Variants in LRFN5 observed in about 807,000 individuals in gnomAD.
LRFN5 encodes the protein leucine-rich repeat and fibronectin type-III domain-containing protein 5.
A neutral mutation model predicts 45.6 loss-of-function variants in LRFN5; 24 were observed. That is an observed-to-expected ratio of 0.53 (90% CI 0.38 to 0.74). LRFN5 has a LOEUF of 0.74. LRFN5 is among the 30% of genes least tolerant of loss of function. The probability of loss-of-function intolerance (pLI) is 0.00; values close to 1 mark genes in which losing one functional copy is unlikely to be tolerated. For missense variants in LRFN5, 776 were observed against 861.5 expected (o/e 0.90, Z 1.24); for synonymous variants, 340 against 313.8 (o/e 1.08, Z -0.88).
intron 1 of LRFN5, among the ~76,000 whole-genome samples, chr14:41,759,777 A>G (rs1366955596): frequency 6.6e-6 from 1 of 152,190 alleles, no homozygotes; most frequent in Admixed American, 6.5e-5. Context: ...GACACACTGT[A>G]TTTCAAATGT....
chr14:41,609,748 A>C (rs1594545433), intron 1 of LRFN5, among the ~76,000 whole-genome samples: 1 of 151,910 alleles, frequency 6.6e-6, no homozygotes, highest in Non-Finnish European at 1.5e-5. Flanking sequence ...TCAGCGGAGG[A>C]TTTGGCCCAG....
At chr14:41,894,762 G>A in intron 4 of LRFN5, 1 of 983,418 alleles carries the variant, frequency 1.0e-6, no homozygotes, top group Non-Finnish European at 1.2e-6. Context: ...ATGGAGTAAG[G>A]TGTGGAAATA....
At chr14:41,869,552 T>C (rs943242605) in intron 2 of LRFN5, among the ~76,000 whole-genome samples, 1 of 152,122 alleles carries the variant, frequency 6.6e-6, no homozygotes. Flanking sequence ...TTTAGTTTTT[T>C]ACATAGTTGT....
chr14:41,659,684 C>T (rs1239592053), intron 1 of LRFN5, among the ~76,000 whole-genome samples: 1 of 152,120 alleles, frequency 6.6e-6, no homozygotes, highest in Non-Finnish European at 1.5e-5. Flanking sequence ...TAAAAGCATT[C>T]CTCTTTTTCC....
At chr14:41,839,450 A>G (rs1253756861) in intron 2 of LRFN5, among the ~76,000 whole-genome samples, 3 of 152,152 alleles carry the variant, frequency 2.0e-5, no homozygotes, top group African/African-American at 7.2e-5. Flanking sequence ...TGATGACTGC[A>G]TGATCAGTCT....
At chr14:41,714,037 C>T (rs750831033) in intron 1 of LRFN5, among the ~76,000 whole-genome samples, 4 of 151,966 alleles carry the variant, frequency 2.6e-5, no homozygotes, top group Non-Finnish European at 5.9e-5. Context: ...TAAAATGAAA[C>T]ATAACTACAT....
In LRFN5 at chr14:41,656,555, G is replaced by A. The variant is rs192328010; in HGVS notation, c.-197+47993G>A. Among the ~76,000 whole-genome samples, 477 of 151,940 alleles carry A rather than the reference G, an allele frequency of 3.1e-3. 5 individuals are homozygous for A. The highest frequency in any genetic ancestry group is 5.0e-3 in the Non-Finnish European group (342 of 67,890). On this transcript the variant is annotated intron_variant, in intron 1 of 5. Transcript: ENST00000298119. ...CAGGATGAATATTGGGCATGAGAAG[G>A]GAGTATAGGGGAGGGGAACAATTTA...
chr14:41,781,162 A>G (rs1457001389), intron 2 of LRFN5, among the ~76,000 whole-genome samples: 2 of 151,880 alleles, frequency 1.3e-5, no homozygotes, highest in Non-Finnish European at 2.9e-5. Flanking sequence ...CTGACTTACT[A>G]TTTTCTTCTC....
chr14:41,673,257 G>A (rs1407268207), intron 1 of LRFN5, among the ~76,000 whole-genome samples: 1 of 151,842 alleles, frequency 6.6e-6, no homozygotes, highest in Non-Finnish European at 1.5e-5. Context: ...GGTGGTGGCC[G>A]GGCAGAGGGG....
At chr14:41,674,869 T>G (rs1440669732) in intron 1 of LRFN5, among the ~76,000 whole-genome samples, 2 of 136,998 alleles carry the variant, frequency 1.5e-5, no homozygotes, top group African/African-American at 5.7e-5. Context: ...GGGCGGAGGG[T>G]CTCCTCGCTT....
chr14:41,796,524 G>A (rs1031238450), intron 2 of LRFN5, among the ~76,000 whole-genome samples: 1 of 151,788 alleles, frequency 6.6e-6, no homozygotes, highest in Non-Finnish European at 1.5e-5. Context: ...TGTTATTTAT[G>A]TATACCTTAA....
chr14:41,893,286 T>G, intron 4 of LRFN5: 1 of 946,986 alleles, frequency 1.1e-6, no homozygotes, highest in Non-Finnish European at 1.3e-6. Context: ...GAAATTAAGG[T>G]CTATAGATAA....
intron 1 of LRFN5, among the ~76,000 whole-genome samples, chr14:41,635,853 T>A (rs1267548111): frequency 3.9e-5 from 6 of 152,140 alleles, no homozygotes; most frequent in Non-Finnish European, 7.4e-5. Flanking sequence ...GTGTTATTAT[T>A]AGATCCAGAA....
intron 4 of LRFN5, 142 bp downstream of exon 4, chr14:41,892,104 T>A (rs1387545548): frequency 6.9e-7 from 1 of 1,443,912 alleles, no homozygotes; most frequent in Non-Finnish European, 9.0e-7. Context: ...TCTATGAATG[T>A]GATGTTTATT....
At chr14:41,615,994 A>G (rs1887915062) in intron 1 of LRFN5, among the ~76,000 whole-genome samples, 1 of 152,114 alleles carries the variant, frequency 6.6e-6, no homozygotes, top group Non-Finnish European at 1.5e-5. Context: ...ACAACTGGTC[A>G]ATCCAAGTTT....
intron 1 of LRFN5, among the ~76,000 whole-genome samples, chr14:41,749,318 T>C (rs1885038815): frequency 6.6e-6 from 1 of 152,154 alleles, no homozygotes; most frequent in South Asian, 2.1e-4. Context: ...TATTAATGCA[T>C]GCCAGAGGTA....
intron 2 of LRFN5, among the ~76,000 whole-genome samples, chr14:41,781,614 A>AAGAAAGAAAGAAAGAG (rs1886515570): frequency 1.1e-5 from 1 of 88,172 alleles, no homozygotes; most frequent in Non-Finnish European, 2.3e-5. Flanking sequence ...GAAAGAAAGA[A>AAGAAAGAAAGAAAGAG]AGAGAAAGAA....
chr14:41,671,616 C>CTTTTTTTTTTTTTTTTTTT (rs1566613142), intron 1 of LRFN5, among the ~76,000 whole-genome samples: 1 of 37,220 alleles, frequency 2.7e-5, no homozygotes, highest in African/African-American at 1.9e-4. Flanking sequence ...TTTTTTTTTT[C>CTTTTTTTTTTTTTTTTTTT]GTTTTTTTTT....
chr14:41,872,691 A>T (rs1397336674), intron 2 of LRFN5, among the ~76,000 whole-genome samples: 1 of 152,204 alleles, frequency 6.6e-6, no homozygotes. Flanking sequence ...CATCTCAGTT[A>T]TCTCCGTGTA....
Sources: allele counts gnomAD v4.1 joint callset (sites outside exome capture counted in the v4.1 genomes callset), GRCh38; gene constraint gnomAD v4.1.1; transcripts MANE v1.5; gene names NCBI Gene and HGNC (gene_info 2026-07-23, HGNC 2026-07-21).